The following TPM3 variants were observed in gnomAD, a reference collection of about 807,000 sequenced individuals.
The protein encoded by TPM3 is tropomyosin 3, also known as tropomyosin alpha-3 chain.
TPM3 carries 16 observed loss-of-function variants against 43.1 expected under a neutral mutation model. That is an observed-to-expected ratio of 0.37 (90% confidence interval 0.25 to 0.56). The LOEUF (loss-of-function observed/expected upper bound fraction) is 0.56. Among genes scored for constraint, TPM3 ranks in the 20% least tolerant of loss-of-function variants. TPM3 has a pLI of 0.77. For missense variants in TPM3, 176 were observed against 337.2 expected (o/e 0.52, Z 3.74); for synonymous variants, 101 against 116.9 (o/e 0.86, Z 0.88).
intron 2 of TPM3, chr1:154,183,493 C>T: frequency 1.2e-5 from 5 of 427,778 alleles, no homozygotes; most frequent in South Asian, 1.1e-4. Flanking sequence ...TGCAGGTAGT[C>T]GGCTGACCTT....
chr1:154,188,599 C>T (rs1663520300), intron 2 of TPM3, among the ~76,000 whole-genome samples: 1 of 144,320 alleles, frequency 6.9e-6, no homozygotes, highest in Non-Finnish European at 1.5e-5. Flanking sequence ...GGCGTGAACC[C>T]AAGAGGCGGA....
At chr1:154,175,696 A>G (rs943664504) in intron 3 of TPM3, among the ~76,000 whole-genome samples, 1 of 152,186 alleles carries the variant, frequency 6.6e-6, no homozygotes, top group African/African-American at 2.4e-5. Flanking sequence ...ATGATCCAGA[A>G]AGTAGAAGTC....
intron 2 of TPM3, among the ~76,000 whole-genome samples, chr1:154,185,372 CAAAAAAAAAA>C (rs34650875): frequency 1.7e-5 from 2 of 119,166 alleles, no homozygotes; most frequent in Non-Finnish European, 3.5e-5. Flanking sequence ...GACTCTGTAT[CAAAAAAAAAA>C]AAAAAAAAAT....
chr1:154,172,844 G>A (rs1661758617), intron 5 of TPM3, 64 bp downstream of exon 5: 1 of 1,582,318 alleles, frequency 6.3e-7, no homozygotes, highest in Admixed American at 1.7e-5. Flanking sequence ...ATTCATATTA[G>A]TGCCCAAGCC....
chr1:154,176,335 C>T (rs1240021831), intron 2 of TPM3, 87 bp from the exon 3 acceptor site: 8 of 1,598,638 alleles, frequency 5.0e-6, no homozygotes, highest in African/African-American at 1.3e-5. Flanking sequence ...GGGTTGACTA[C>T]CATGAAAAAG....
At chr1:154,186,676 T>C (rs79923405) in intron 2 of TPM3, among the ~76,000 whole-genome samples, 1 of 151,824 alleles carries the variant, frequency 6.6e-6, no homozygotes, top group East Asian at 1.9e-4. Flanking sequence ...TTAGATGTGG[T>C]TGCACAACAA....
intron 2 of TPM3, among the ~76,000 whole-genome samples, chr1:154,185,711 A>G (rs1386095086): frequency 6.8e-6 from 1 of 148,132 alleles, no homozygotes; most frequent in East Asian, 1.9e-4. Context: ...CACAGTCTGA[A>G]AAAAAAAAAA....
Position 154,167,487 on chromosome 1 carries a change from G to A in TPM3, c.*450C>T. The A allele has an allele frequency of 9.3e-7, 1 of 1,078,116 alleles. No individual in the cohort carries two copies. Among genetic ancestry groups the A allele is most frequent in the Middle Eastern group, 4.1e-4 (1 of 2,428 alleles). The allele number at this position is 1,078,116 out of a possible 1,614,324, so 66.8% of individuals were successfully genotyped here. ...GGATGATTTAAGAACCTGGAAATAA[G>A]GAATTTAATCTTGTTCAGCTTGAGG... On this transcript the variant is annotated 3_prime_UTR_variant, in exon 10 of 10. Coordinates refer to ENST00000651641, the MANE Select transcript of TPM3 (RefSeq NM_152263.4).
At position 154,167,675 on chromosome 1, in the gene TPM3, T is replaced by A; in HGVS notation, c.*262A>T. 1 of 1,346,206 alleles carries A rather than the reference T, an allele frequency of 7.4e-7. No homozygotes were observed. The highest frequency in any genetic ancestry group is 9.6e-7 in the Non-Finnish European group (1 of 1,041,186). 83.4% of individuals were successfully genotyped at this position (1,346,206 alleles called of 1,614,324 possible). ...GAGCCTACAATAGCTCTTCCCCACA[T>A]CACACCCCCAAGGCTCCTTCTTAGG... On this transcript the variant is annotated 3_prime_UTR_variant, in exon 10 of 10. Coordinates refer to ENST00000651641, the MANE Select transcript of TPM3 (RefSeq NM_152263.4).
chr1:154,169,247 G>C lies in TPM3; in HGVS notation c.854+58C>G. The C allele has an allele frequency of 2.0e-6, 3 of 1,535,136 alleles. No individual in the cohort carries two copies. In the East Asian group the frequency reaches 6.7e-5, roughly 34 times the overall value. On this transcript the variant is annotated intron_variant, in intron 9 of 9. Coordinates refer to ENST00000651641, the MANE Select transcript of TPM3 (RefSeq NM_152263.4). ...CAAAGCACACCACTATGCATAGCTT[G>C]TACCCCCATCCACCCACAAGCCAAG...
Position 154,166,963 on chromosome 1 carries a change from G to A in TPM3, c.*974C>T, listed in dbSNP as rs534731616. Among the ~76,000 whole-genome samples, 7 of 152,182 alleles carry A rather than the reference G, an allele frequency of 4.6e-5. No homozygotes were observed. The highest frequency in any genetic ancestry group is 1.3e-4 in the Admixed American group (2 of 15,280). On this transcript the variant is annotated 3_prime_UTR_variant, in exon 10 of 10. Coordinates refer to ENST00000651641, the MANE Select transcript of TPM3 (RefSeq NM_152263.4). ...CTCCCAAAGTGCTGGGATTATAGGC[G>A]TGAGCTACCACGCCCGGCCTATAAT...
At chr1:154,155,510 A>T (rs1659707350), downstream of TPM3, 1 of 236,216 alleles carries the variant, frequency 4.2e-6, no homozygotes, top group East Asian at 6.1e-5. Flanking sequence ...TTTTTACTAG[A>T]AGTCAGATTC....
intron 3 of TPM3, among the ~76,000 whole-genome samples, chr1:154,174,406 ATAC>A (rs1479913312): frequency 8.2e-6 from 1 of 122,376 alleles, no homozygotes; most frequent in African/African-American, 3.5e-5. Context: ...ATATATATAT[ATAC>A]ACACAAAAAT....
At chr1:154,177,861 A>G (rs1662508955) in intron 2 of TPM3, among the ~76,000 whole-genome samples, 1 of 152,230 alleles carries the variant, frequency 6.6e-6, no homozygotes, top group Non-Finnish European at 1.5e-5. Flanking sequence ...GGCTGGGGCT[A>G]CAATCTAGCC....
intron 5 of TPM3, chr1:154,172,094 C>G: frequency 6.2e-7 from 1 of 1,614,174 alleles, no homozygotes; most frequent in Non-Finnish European, 8.5e-7. Context: ...TCATCCATCT[C>G]TCGGCAACGG....
chr1:154,182,908 C>A, intron 2 of TPM3: 1 of 1,602,192 alleles, frequency 6.2e-7, no homozygotes, highest in South Asian at 1.1e-5. Context: ...GGACCGTGCT[C>A]CACGGCAAAA....
downstream of TPM3, chr1:154,156,888 A>G (rs557207682): frequency 1.2e-4 from 24 of 196,490 alleles, no homozygotes; most frequent in African/African-American, 5.5e-4. Flanking sequence ...GGTCACCTCA[A>G]CATAAGGGGG....
rs760913266 is a variant in TPM3, at chr1:154,176,152, G to C, written c.340C>G (p.Leu114Val). 1 of 1,614,110 alleles carries C rather than the reference G, an allele frequency of 6.2e-7. No homozygotes were observed. ...TCAGCAGCTTTTTCAGCTTCTTCCA[G>C]CTTTTGCAGGGCAGTGGCCAGGCGC... ...QERLATALQK[L>V]EEAEKAADES... is the part of the protein sequence containing the mutation. The change falls in exon 3 of 10, where the codon CTG becomes GTG. Residue 114 changes from leucine (L) to valine (V), a missense_variant. Leu to Val is a conservative substitution (Grantham distance 32). Around this residue, in one of 4 missense-constraint regions of TPM3, gnomAD observed 82 missense variants for 148.8 expected, o/e 0.55. Transcript: ENST00000651641.
At chr1:154,178,487 G>A (rs1662589496) in intron 2 of TPM3, among the ~76,000 whole-genome samples, 4 of 152,196 alleles carry the variant, frequency 2.6e-5, no homozygotes, top group Admixed American at 2.6e-4. Flanking sequence ...TCCTAGCACA[G>A]AGGATCAGTT....
Sources: allele counts gnomAD v4.1 joint callset (sites outside exome capture counted in the v4.1 genomes callset), GRCh38; gene constraint gnomAD v4.1.1; regional missense constraint gnomAD v4.1.1; transcripts MANE v1.5; gene names NCBI Gene and HGNC (gene_info 2026-07-23, HGNC 2026-07-21).